Variants in VRK2 observed in about 807,000 individuals in gnomAD.
VRK2 encodes the protein VRK serine/threonine kinase 2, also known as serine/threonine-protein kinase VRK2.
In VRK2, 60 loss-of-function variants were observed where a neutral mutation model predicts 57.6. The observed-to-expected ratio is 1.04, with a 90% CI of 0.85 to 1.29. The LOEUF is 1.29. Among genes scored for constraint, VRK2 ranks in the 50% most tolerant of loss-of-function variants. The probability of loss-of-function intolerance (pLI) is 0.00; values close to 1 mark genes in which losing one functional copy is unlikely to be tolerated. For synonymous variants in VRK2, 231 were observed against 199.2 expected (o/e 1.16, Z -1.35); for missense variants, 705 against 588.1 (o/e 1.20, Z -2.06).
Position 58,046,883 on chromosome 2 carries a change from C to A in VRK2, c.-6+15C>A. On this transcript the variant is annotated intron_variant, in intron 1 of 12. Transcript: ENST00000340157. ...CCTGAGGCCCGGTCAGTCTCTTGCT[C>A]TGGGGTCTTGGGTGGCGGGCGGCAC... is the stretch of plus-strand genomic sequence containing the variant. 1 of 985,382 alleles carries A rather than the reference C, an allele frequency of 1.0e-6. No individual in the cohort carries two copies. Among genetic ancestry groups the A allele is most frequent in the Non-Finnish European group, 1.2e-6 (1 of 829,878 alleles). 61.0% of individuals were successfully genotyped at this position (985,382 alleles called of 1,614,324 possible).
intron 1 of VRK2, chr2:58,047,270 G>A (rs1349785283): frequency 2.8e-6 from 1 of 353,464 alleles, no homozygotes; most frequent in Non-Finnish European, 4.0e-6. Flanking sequence ...ACCTTCCGCA[G>A]GGTCAGGGGC....
At chr2:57,982,087 A>C (rs1439116255) in intron 1 of VRK2, among the ~76,000 whole-genome samples, 2 of 152,086 alleles carry the variant, frequency 1.3e-5, no homozygotes, top group African/African-American at 2.4e-5. Context: ...GATGCCCTTG[A>C]GGGTTTGACT....
chr2:58,048,421 CCTT>C (rs1226462243), intron 1 of VRK2: 3 of 556,228 alleles, frequency 5.4e-6, no homozygotes, highest in African/African-American at 4.0e-5. Context: ...TGACTGAAGA[CCTT>C]CTCACTTTTA....
chr2:58,146,204 CT>C (rs1558699427), intron 11 of VRK2, 111 bp from the exon 12 acceptor site: 1 of 965,450 alleles, frequency 1.0e-6, no homozygotes, highest in Admixed American at 3.3e-5. Flanking sequence ...TCTTTATTTC[CT>C]TTTTTAAAGC....
intron 7 of VRK2, among the ~76,000 whole-genome samples, chr2:58,113,664 G>T (rs951240498): frequency 6.6e-6 from 1 of 152,166 alleles, no homozygotes; most frequent in Admixed American, 6.5e-5. Context: ...GAGCTTCTGA[G>T]CCAGGAGAAG....
intron 1 of VRK2, among the ~76,000 whole-genome samples, chr2:57,987,246 A>G (rs1016318023): frequency 6.6e-6 from 1 of 152,178 alleles, no homozygotes; most frequent in Non-Finnish European, 1.5e-5. Flanking sequence ...AAAAAAATCT[A>G]TGCAAATTAT....
At chr2:58,082,943 CATATTT>C (rs1208560080) in intron 2 of VRK2, among the ~76,000 whole-genome samples, 1 of 151,424 alleles carries the variant, frequency 6.6e-6, no homozygotes, top group Non-Finnish European at 1.5e-5. Flanking sequence ...AAATTTGTGA[CATATTT>C]ATATCTAAGA....
At chr2:57,922,809 C>T (rs1027296919) in intron 1 of VRK2, among the ~76,000 whole-genome samples, 2 of 151,606 alleles carry the variant, frequency 1.3e-5, no homozygotes, top group Middle Eastern at 3.4e-3. Flanking sequence ...TTATAGGTAC[C>T]CTGTTATGCT....
intron 1 of VRK2, among the ~76,000 whole-genome samples, chr2:57,961,384 G>A (rs1432591762): frequency 6.6e-6 from 1 of 152,032 alleles, no homozygotes; most frequent in Non-Finnish European, 1.5e-5. Flanking sequence ...CTTTGTGATT[G>A]AAAAAAGCGA....
intron 7 of VRK2, among the ~76,000 whole-genome samples, chr2:58,117,868 C>T (rs1453510202): frequency 1.3e-5 from 2 of 151,980 alleles, no homozygotes; most frequent in Non-Finnish European, 2.9e-5. Flanking sequence ...TGGAATCTTG[C>T]CCATAGTGAA....
chr2:58,005,955 C>G (rs941601208), intron 1 of VRK2, among the ~76,000 whole-genome samples: 4 of 152,146 alleles, frequency 2.6e-5, no homozygotes, highest in African/African-American at 9.7e-5. Context: ...GAAATAGCCT[C>G]CCCTGAGGCA....
intron 2 of VRK2, among the ~76,000 whole-genome samples, chr2:58,076,476 C>G (rs1265522569): frequency 6.6e-6 from 1 of 151,974 alleles, no homozygotes. Flanking sequence ...AGTATGATTT[C>G]TACTGAATGC....
At chr2:57,987,068 C>A (rs900439355) in intron 1 of VRK2, among the ~76,000 whole-genome samples, 1 of 152,028 alleles carries the variant, frequency 6.6e-6, no homozygotes, top group African/African-American at 2.4e-5. Context: ...AAACGGATGA[C>A]AGACATAAAA....
chr2:58,022,734 G>C (rs1345744803), intron 1 of VRK2, among the ~76,000 whole-genome samples: 1 of 152,122 alleles, frequency 6.6e-6, no homozygotes, highest in East Asian at 1.9e-4. Context: ...AATTAGCTAA[G>C]CATGGTGGCC....
intron 7 of VRK2, among the ~76,000 whole-genome samples, chr2:58,117,850 A>T (rs369787495): frequency 6.6e-6 from 1 of 152,172 alleles, no homozygotes; most frequent in Admixed American, 6.5e-5. Flanking sequence ...AGGAGGAGGA[A>T]TGTAAGGTGG....
chr2:58,114,635 C>A (rs1465368019), intron 7 of VRK2, among the ~76,000 whole-genome samples: 4 of 151,916 alleles, frequency 2.6e-5, no homozygotes, highest in East Asian at 1.9e-4. Flanking sequence ...TTTTAAAAGA[C>A]CTTTAGTCCG....
chr2:57,962,504 G>C (rs1014352782), intron 1 of VRK2, among the ~76,000 whole-genome samples: 3 of 151,950 alleles, frequency 2.0e-5, no homozygotes, highest in Admixed American at 2.0e-4. Flanking sequence ...TTGGTGTAGA[G>C]ATTAATTAGT....
At chr2:58,008,869 T>C (rs2103642289) in intron 1 of VRK2, among the ~76,000 whole-genome samples, 2 of 152,158 alleles carry the variant, frequency 1.3e-5, no homozygotes, top group African/African-American at 4.8e-5. Context: ...GGCTGAGAAG[T>C]CCAAGATCAA....
At chr2:58,142,807 C>A (rs1430118328) in intron 11 of VRK2, among the ~76,000 whole-genome samples, 9 of 151,840 alleles carry the variant, frequency 5.9e-5, no homozygotes, top group Non-Finnish European at 4.4e-5. Flanking sequence ...CCAGAGGATC[C>A]TTTTAATCGT....
Sources: gnomAD v4.1 joint callset for allele counts (sites outside exome capture counted in the v4.1 genomes callset) on GRCh38, gnomAD v4.1.1 for gene constraint, MANE v1.5 for transcripts, NCBI Gene and HGNC (gene_info 2026-07-23, HGNC 2026-07-21) for gene names.